ZNF638: variants seen among roughly 807,000 people sequenced by gnomAD.
ZNF638 encodes CTCL tumor antigen se33-1.
A neutral mutation model predicts 195.6 loss-of-function variants in ZNF638; 46 were observed. The ratio of observed to expected loss-of-function variants is 0.24; its 90% CI spans 0.19 to 0.30. The LOEUF (loss-of-function observed/expected upper bound fraction) is 0.30, where lower values mean the gene tolerates loss of function less well. ZNF638 is among the 10% of genes least tolerant of loss of function. ZNF638 has a pLI of 1.00. For missense variants in ZNF638, 2,440 were observed against 2,325.3 expected, an observed-to-expected ratio of 1.05 and a Z score of -1.01; for synonymous variants, 845 against 772.0, an observed-to-expected ratio of 1.09 and a Z score of -1.57.
chr2:71,367,702 G>A (rs2079226884), intron 6 of ZNF638, among the ~76,000 whole-genome samples: 1 of 150,972 alleles, frequency 6.6e-6, no homozygotes, highest in Non-Finnish European at 1.5e-5. Flanking sequence ...GTCTCCCAAA[G>A]TGCTGGGATT....
intron 21 of ZNF638, among the ~76,000 whole-genome samples, chr2:71,418,950 A>G (rs541701216): frequency 6.6e-6 from 1 of 152,252 alleles, no homozygotes; most frequent in African/African-American, 2.4e-5. Context: ...CATCACGAAC[A>G]GTAATTACAT....
chr2:71,433,071 A>C, intron 26 of ZNF638, 94 bp from the exon 27 acceptor site: 4 of 994,068 alleles, frequency 4.0e-6, no homozygotes, highest in East Asian at 2.4e-5. Flanking sequence ...TGGATGACAG[A>C]GTGAGACTCC....
intron 26 of ZNF638, among the ~76,000 whole-genome samples, chr2:71,432,172 A>G (rs1354433520): frequency 2.6e-5 from 4 of 152,082 alleles, no homozygotes; most frequent in Non-Finnish European, 5.9e-5. Flanking sequence ...TCTCTCTTTT[A>G]TTTTAATGGG....
intron 5 of ZNF638, among the ~76,000 whole-genome samples, chr2:71,364,707 C>G (rs2104274310): frequency 6.6e-6 from 1 of 152,222 alleles, no homozygotes; most frequent in South Asian, 2.1e-4. Context: ...CTTGACTAGC[C>G]TGAAAAATTC....
intron 1 of ZNF638, among the ~76,000 whole-genome samples, chr2:71,338,240 C>A (rs1399600975): frequency 6.6e-6 from 1 of 152,176 alleles, no homozygotes; most frequent in African/African-American, 2.4e-5. Context: ...CTTACCTGAA[C>A]CATCCTTTAC....
chr2:71,359,080 G>A (rs1478570077), intron 3 of ZNF638, among the ~76,000 whole-genome samples: 1 of 152,122 alleles, frequency 6.6e-6, no homozygotes, highest in East Asian at 1.9e-4. Context: ...GACTCGCTTA[G>A]TGTGATGTTC....
At chr2:71,343,786 C>T (rs1192893065) in intron 1 of ZNF638, among the ~76,000 whole-genome samples, 1 of 152,144 alleles carries the variant, frequency 6.6e-6, no homozygotes, top group Non-Finnish European at 1.5e-5. Flanking sequence ...CCCCTCTCCC[C>T]ACCAAAAAAA....
chr2:71,379,366 C>G (rs1340627076), intron 8 of ZNF638: 1 of 152,192 alleles, frequency 6.6e-6, no homozygotes, highest in Non-Finnish European at 1.5e-5. Context: ...GATGAAATTT[C>G]ATGCAGTCCA....
intron 6 of ZNF638, among the ~76,000 whole-genome samples, chr2:71,366,444 T>G (rs1168544459): frequency 1.3e-5 from 2 of 152,194 alleles, no homozygotes; most frequent in Non-Finnish European, 2.9e-5. Flanking sequence ...TGTTACATGA[T>G]TTTAGTATGG....
intron 3 of ZNF638, among the ~76,000 whole-genome samples, chr2:71,359,317 A>G (rs1424518701): frequency 6.6e-6 from 1 of 152,218 alleles, no homozygotes; most frequent in Admixed American, 6.5e-5. Context: ...AAAAGGCCCT[A>G]TAGCCCCAGG....
At chr2:71,372,168 CATCCCAGCCCACTAGCTCTA>C (rs1196842484) in intron 8 of ZNF638, among the ~76,000 whole-genome samples, 3 of 152,046 alleles carry the variant, frequency 2.0e-5, no homozygotes, top group Non-Finnish European at 2.9e-5. Flanking sequence ...GGTTACATGC[CATCCCAGCCCACTAGCTCTA>C]ATCCCAGCCC....
At position 71,428,203 on chromosome 2, in the gene ZNF638, G is replaced by GA. The variant is rs758748902; in HGVS notation, c.5546-336dup. On this transcript the variant is annotated intron_variant, in intron 24 of 27. Transcript: ENST00000264447. ...TGAGCCACTTTGTCTCCAAAAAGAA[G>GA]AAAAAAAACCTGAAAGATTTAACTC... 4.6e-5 allele frequency among the ~76,000 whole-genome samples: 7 copies of GA among 151,470 alleles called. No individual in the cohort carries two copies. The South Asian group carries it at 8.3e-4, about 18-fold the overall frequency.
chr2:71,366,561 T>A (rs1332688321), intron 6 of ZNF638, among the ~76,000 whole-genome samples: 3 of 152,176 alleles, frequency 2.0e-5, no homozygotes, highest in Non-Finnish European at 4.4e-5. Context: ...AAGAACATTT[T>A]GATGGTTTGG....
chr2:71,432,496 C>A (rs1357985292), intron 26 of ZNF638, among the ~76,000 whole-genome samples: 2 of 152,224 alleles, frequency 1.3e-5, no homozygotes, highest in Non-Finnish European at 2.9e-5. Flanking sequence ...CCACTTCTCC[C>A]AGCCAGAGGT....
chr2:71,405,251 C>T (rs896342847), intron 17 of ZNF638, among the ~76,000 whole-genome samples: 2 of 152,186 alleles, frequency 1.3e-5, no homozygotes, highest in African/African-American at 4.8e-5. Flanking sequence ...TCTTTCTCAT[C>T]TCCTACTTTG....
intron 10 of ZNF638, among the ~76,000 whole-genome samples, chr2:71,394,296 C>G (rs900684857): frequency 1.1e-4 from 17 of 152,156 alleles, no homozygotes; most frequent in African/African-American, 4.1e-4. Context: ...GTCCTTGCCA[C>G]CCCAAGACAC....
At chr2:71,359,377 CAAG>C (rs1279344383) in intron 3 of ZNF638, among the ~76,000 whole-genome samples, 1 of 152,096 alleles carries the variant, frequency 6.6e-6, no homozygotes, top group Non-Finnish European at 1.5e-5. Context: ...TGTCCAAGAA[CAAG>C]GAGGAGAAGG....
chr2:71,390,768 C>T (rs1031402345), intron 10 of ZNF638, among the ~76,000 whole-genome samples: 1 of 152,120 alleles, frequency 6.6e-6, no homozygotes, highest in Non-Finnish European at 1.5e-5. Flanking sequence ...TGGTCAGAAA[C>T]TTGGCCTTGG....
In ZNF638 at chr2:71,433,041, C is replaced by T. The variant is rs1220523177; in HGVS notation, c.5753-124C>T. On this transcript the variant is annotated intron_variant, in intron 26 of 27. Coordinates refer to ENST00000264447, the MANE Select transcript of ZNF638 (RefSeq NM_014497.5). ...GGCAGAGGTTGCAGTGAGCTGACAT[C>T]GCGCCACTGCCCTCCAACCTGGATG... The T allele has an allele frequency of 1.2e-5, 9 of 753,080 alleles. No individual in the cohort carries two copies. In the Admixed American group the frequency reaches 1.3e-4, roughly 11 times the overall value. 46.6% of individuals were successfully genotyped at this position (753,080 alleles called of 1,614,324 possible).
Sources: gnomAD v4.1 joint callset for allele counts (sites outside exome capture counted in the v4.1 genomes callset) on GRCh38, gnomAD v4.1.1 for gene constraint, MANE v1.5 for transcripts, NCBI Gene and HGNC (gene_info 2026-07-23, HGNC 2026-07-21) for gene names.